The following RAD51B variants were observed in gnomAD, a reference collection of about 807,000 sequenced individuals.
RAD51B encodes RAD51 paralog B.
RAD51B carries 38 observed loss-of-function variants against 42.2 expected under a neutral mutation model. The observed-to-expected ratio is 0.90, with a 90% CI of 0.70 to 1.18. The LOEUF is 1.18. RAD51B is among the 50% of genes most tolerant of loss of function. The pLI is 0.00. For synonymous variants in RAD51B, 154 were observed against 145.2 expected, an observed-to-expected ratio of 1.06 and a Z score of -0.43; for missense variants, 373 against 400.7, an observed-to-expected ratio of 0.93 and a Z score of 0.59.
chr14:68,510,060 C>T (rs1413430057), intron 10 of RAD51B, among the ~76,000 whole-genome samples: 2 of 152,146 alleles, frequency 1.3e-5, no homozygotes, highest in South Asian at 2.1e-4. Context: ...TCCCCCTAGC[C>T]CCACTCCCCC....
chr14:68,456,943 C>T (rs192055631), intron 9 of RAD51B, among the ~76,000 whole-genome samples: 2 of 110,608 alleles, frequency 1.8e-5, no homozygotes, highest in Non-Finnish European at 3.4e-5. Context: ...GACAGAGTCT[C>T]ACTCTGTCAC....
At chr14:68,539,481 G>C (rs964689270) in intron 10 of RAD51B, among the ~76,000 whole-genome samples, 1 of 152,220 alleles carries the variant, frequency 6.6e-6, no homozygotes, top group Non-Finnish European at 1.5e-5. Flanking sequence ...GCATTCACTG[G>C]GTTTCCAGAG....
rs537978881 is a variant in RAD51B at position 68,636,505 on chromosome 14, C to G, written c.1037-14276C>G. Among the ~76,000 whole-genome samples, 18 of 148,460 alleles carry G rather than the reference C, an allele frequency of 1.2e-4. 1 individual carries two copies. In the East Asian group the frequency reaches 2.0e-3, roughly 17 times the overall value. ...GGCTGAGGCAGAAGAATCGCTTGAA[C>G]CCAGGAGGCGGAGGTTGCAGTGAGC... On this transcript the variant is annotated intron_variant, in intron 10 of 11. Coordinates refer to the RAD51B transcript ENST00000488612.
At chr14:68,116,050 TA>T (rs1413406023) in intron 7 of RAD51B, among the ~76,000 whole-genome samples, 1 of 151,706 alleles carries the variant, frequency 6.6e-6, no homozygotes, top group African/African-American at 2.4e-5. Flanking sequence ...CAAGGGTACT[TA>T]TACCATTGAG....
intron 7 of RAD51B, among the ~76,000 whole-genome samples, chr14:68,104,339 C>T (rs1018181570): frequency 1.6e-4 from 24 of 152,064 alleles, no homozygotes; most frequent in African/African-American, 5.3e-4. Context: ...ACTGCTTCTA[C>T]GTGTTTTGTT....
intron 7 of RAD51B, among the ~76,000 whole-genome samples, chr14:67,912,887 G>C (rs1465677038): frequency 6.6e-6 from 1 of 152,012 alleles, no homozygotes; most frequent in Admixed American, 6.6e-5. Context: ...TGTATTTTTA[G>C]TGGAGACTGG....
chr14:68,089,961 T>A (rs977365456), intron 7 of RAD51B, among the ~76,000 whole-genome samples: 2 of 152,142 alleles, frequency 1.3e-5, no homozygotes, highest in African/African-American at 4.8e-5. Flanking sequence ...TTATTTTAGA[T>A]TTATATATAA....
intron 9 of RAD51B, among the ~76,000 whole-genome samples, chr14:68,432,979 A>G (rs962237343): frequency 8.5e-5 from 13 of 152,100 alleles, no homozygotes; most frequent in Non-Finnish European, 1.8e-4. Flanking sequence ...GCTTGTCTGT[A>G]AAGTATTTTA....
At chr14:68,288,179 C>T (rs1390999844) in intron 7 of RAD51B, among the ~76,000 whole-genome samples, 1 of 152,186 alleles carries the variant, frequency 6.6e-6, no homozygotes, top group Non-Finnish European at 1.5e-5. Context: ...GTATAGTTTT[C>T]AAGTCTCTTG....
chr14:68,530,052 G>A (rs1312871032), intron 10 of RAD51B, among the ~76,000 whole-genome samples: 1 of 152,168 alleles, frequency 6.6e-6, no homozygotes, highest in East Asian at 1.9e-4. Context: ...CGTAGTGCAA[G>A]TCAGAGTTAA....
chr14:67,984,498 G>T (rs2140277965), intron 7 of RAD51B, among the ~76,000 whole-genome samples: 1 of 152,210 alleles, frequency 6.6e-6, no homozygotes, highest in Middle Eastern at 3.4e-3. Context: ...TGATCACTGA[G>T]CTGTCCTTTA....
At chr14:68,222,521 T>C (rs937166928) in intron 7 of RAD51B, among the ~76,000 whole-genome samples, 1 of 145,526 alleles carries the variant, frequency 6.9e-6, no homozygotes, top group African/African-American at 2.7e-5. Flanking sequence ...TTTGGGGACT[T>C]GCGGGAAAAG....
chr14:68,039,807 G>A (rs2076191001), intron 7 of RAD51B, among the ~76,000 whole-genome samples: 2 of 152,170 alleles, frequency 1.3e-5, no homozygotes, highest in South Asian at 4.1e-4. Context: ...TGCTCTAATG[G>A]TTGCTGTTAA....
intron 8 of RAD51B, among the ~76,000 whole-genome samples, chr14:68,357,429 G>T (rs1224538666): frequency 1.3e-5 from 2 of 151,774 alleles, no homozygotes; most frequent in Non-Finnish European, 2.9e-5. Context: ...CTTATTCCAA[G>T]CTCCTATTAA....
At chr14:68,338,772 A>G in intron 8 of RAD51B, 1 of 517,672 alleles carries the variant, frequency 1.9e-6, no homozygotes, top group Non-Finnish European at 3.7e-6. Context: ...TGCCTTTTCG[A>G]GCTTGATAAT....
At chr14:67,823,303 G>A (rs917106816) in intron 1 of RAD51B, among the ~76,000 whole-genome samples, 1 of 152,164 alleles carries the variant, frequency 6.6e-6, no homozygotes, top group Non-Finnish European at 1.5e-5. Context: ...TATATTTGAG[G>A]TTGCCTTGTA....
rs2076923199 is a variant in RAD51B, at chr14:68,082,238, A to G, written c.756+195034A>G. Among the ~76,000 whole-genome samples the G allele has an allele frequency of 1.3e-5, 2 of 151,940 alleles. 1 individual carries two copies. The highest frequency in any genetic ancestry group is 4.2e-4 in the South Asian group (2 of 4,818). On this transcript the variant is annotated intron_variant, in intron 7 of 10. Coordinates refer to ENST00000471583, the MANE Select transcript of RAD51B (RefSeq NM_133510.4). ...GCCTCCCAAAGTGCTGGGATTATAG[A>G]TGTGAGCCACTGCGCCCGGCCGCAA...
intron 7 of RAD51B, among the ~76,000 whole-genome samples, chr14:68,169,867 C>T (rs1039715411): frequency 2.0e-5 from 3 of 152,186 alleles, no homozygotes; most frequent in Admixed American, 6.5e-5. Context: ...TGCTTGTTTG[C>T]ACTGCACTTA....
At chr14:68,045,236 CAAAAAAAA>C (rs537073885) in intron 7 of RAD51B, among the ~76,000 whole-genome samples, 4 of 22,088 alleles carry the variant, frequency 1.8e-4, no homozygotes, top group Admixed American at 1.3e-3. Flanking sequence ...AACTCTGTCT[CAAAAAAAA>C]AAAAAAAAAA....
Sources: gnomAD v4.1 joint callset for allele counts (sites outside exome capture counted in the v4.1 genomes callset) on GRCh38, gnomAD v4.1.1 for gene constraint, MANE v1.5 for transcripts, NCBI Gene and HGNC (gene_info 2026-07-23, HGNC 2026-07-21) for gene names.